Variants in SNTG1 observed in about 807,000 individuals in gnomAD.
SNTG1 encodes gamma-1-syntrophin.
In SNTG1, 39 loss-of-function variants were observed where a neutral mutation model predicts 74.7. That is an observed-to-expected ratio of 0.52 (90% CI 0.40 to 0.68). The LOEUF is 0.68. SNTG1 is among the 30% of genes least tolerant of loss of function. SNTG1 has a pLI of 0.00. For synonymous variants in SNTG1, 254 were observed against 217.1 expected, an observed-to-expected ratio of 1.17 and a Z score of -1.49; for missense variants, 685 against 609.5, an observed-to-expected ratio of 1.12 and a Z score of -1.30.
intron 4 of SNTG1, among the ~76,000 whole-genome samples, chr8:50,412,645 G>T (rs2092964027): frequency 6.6e-6 from 1 of 152,198 alleles, no homozygotes; most frequent in Admixed American, 6.5e-5. Context: ...GTCAGGAACT[G>T]CTTTCCAGAG....
At chr8:50,428,383 T>A (rs896425994) in intron 4 of SNTG1, among the ~76,000 whole-genome samples, 1 of 152,150 alleles carries the variant, frequency 6.6e-6, no homozygotes, top group African/African-American at 2.4e-5. Context: ...AGTTCCTGCA[T>A]TTCAATCCAG....
chr8:50,129,649 G>T (rs950510003), intron 1 of SNTG1, among the ~76,000 whole-genome samples: 6 of 152,010 alleles, frequency 3.9e-5, no homozygotes, highest in African/African-American at 1.4e-4. Context: ...GTGTTATGGA[G>T]AAACCATCCT....
At chr8:50,450,292 T>C (rs1587670497) in intron 6 of SNTG1, among the ~76,000 whole-genome samples, 1 of 152,182 alleles carries the variant, frequency 6.6e-6, no homozygotes, top group African/African-American at 2.4e-5. Flanking sequence ...ATGTGGTCTT[T>C]TACCCTTAGA....
rs947093117 is a variant in SNTG1 at position 50,108,631 on chromosome 8, G to T, written c.-102-63930G>T. On this transcript the variant is annotated intron_variant, in intron 1 of 18. Transcript: ENST00000642720. ...AAACAATAACAACAAAAATGATTTAGTATCTTCTTTCTTTGTGATTTTCTT... is the reference window on the plus strand; with the variant it reads ...AAACAATAACAACAAAAATGATTTATTATCTTCTTTCTTTGTGATTTTCTT... 1.1e-4 allele frequency among the ~76,000 whole-genome samples: 17 copies of T among 152,118 alleles called. 1 individual carries two copies. Among genetic ancestry groups the T allele is most frequent in the Admixed American group, 1.0e-3 (16 of 15,246 alleles).
chr8:50,330,164 C>G (rs28817635), intron 2 of SNTG1, among the ~76,000 whole-genome samples: 35 of 152,270 alleles, frequency 2.3e-4, no homozygotes, highest in African/African-American at 7.7e-4. Flanking sequence ...TACCCTCATG[C>G]TGTTCCTGTG....
At chr8:50,049,396 A>G (rs1256958688) in intron 1 of SNTG1, among the ~76,000 whole-genome samples, 1 of 152,166 alleles carries the variant, frequency 6.6e-6, no homozygotes, top group African/African-American at 2.4e-5. Flanking sequence ...ATTATATATA[A>G]AGGAGGTCAT....
At chr8:49,946,391 C>A (rs1809190673) in intron 1 of SNTG1, among the ~76,000 whole-genome samples, 1 of 152,268 alleles carries the variant, frequency 6.6e-6, no homozygotes, top group East Asian at 1.9e-4. Flanking sequence ...TGAATAAAAT[C>A]TTGAAAACTC....
intron 9 of SNTG1, among the ~76,000 whole-genome samples, chr8:50,528,198 A>G (rs1447329614): frequency 6.6e-6 from 1 of 151,978 alleles, no homozygotes. Flanking sequence ...AAGGGTAGAC[A>G]TCCCTTTCTT....
At chr8:50,099,028 G>A (rs1304486157) in intron 1 of SNTG1, among the ~76,000 whole-genome samples, 1 of 152,032 alleles carries the variant, frequency 6.6e-6, no homozygotes, top group Non-Finnish European at 1.5e-5. Flanking sequence ...TGAAATTTTT[G>A]AGGTTTTATA....
intron 12 of SNTG1, among the ~76,000 whole-genome samples, chr8:50,564,090 C>G (rs1258609431): frequency 6.6e-6 from 1 of 150,552 alleles, no homozygotes; most frequent in Non-Finnish European, 1.5e-5. Flanking sequence ...CTCCAGCATA[C>G]AAATACAAGT....
intron 2 of SNTG1, among the ~76,000 whole-genome samples, chr8:50,190,306 T>C (rs867779662): frequency 1.3e-5 from 2 of 152,174 alleles, no homozygotes; most frequent in African/African-American, 2.4e-5. Context: ...TTATAGTTAT[T>C]ACCTCCCTGG....
At chr8:50,481,287 G>A (rs1042070534) in intron 8 of SNTG1, among the ~76,000 whole-genome samples, 20 of 152,138 alleles carry the variant, frequency 1.3e-4, no homozygotes, top group Non-Finnish European at 2.4e-4. Flanking sequence ...AGGCTGAGGC[G>A]GGAGAATTGC....
At chr8:50,533,099 G>A (rs1364298796) in intron 10 of SNTG1, among the ~76,000 whole-genome samples, 1 of 152,154 alleles carries the variant, frequency 6.6e-6, no homozygotes, top group African/African-American at 2.4e-5. Flanking sequence ...GAAGGTACAT[G>A]AAAGTCACTT....
In SNTG1 at chr8:50,601,077, G is replaced by C. The variant is rs530269043; in HGVS notation, c.849+10160G>C. Among the ~76,000 whole-genome samples, 624 of 130,070 alleles carry C rather than the reference G, an allele frequency of 4.8e-3. 8 individuals are homozygous for C. The highest frequency in any genetic ancestry group is 0.015 in the African/African-American group (563 of 36,856). The allele number at this position is 130,070 out of a possible 152,430, so 85.3% of individuals were successfully genotyped here. A position where few individuals can be genotyped will look rare whatever the true frequency, so the allele number is the denominator to read the frequency against. On this transcript the variant is annotated intron_variant, in intron 13 of 18. Coordinates refer to ENST00000642720, the MANE Select transcript of SNTG1 (RefSeq NM_018967.5). ...TCCCAGCTGCTTGGGAGAATCGCTT[G>C]AACCTGGGAGGTGGAGGTTTCAGTG...
intron 1 of SNTG1, among the ~76,000 whole-genome samples, chr8:50,035,785 A>C (rs1003806357): frequency 6.6e-6 from 1 of 152,186 alleles, no homozygotes; most frequent in Non-Finnish European, 1.5e-5. Flanking sequence ...TGAAGAGAGC[A>C]TCTGGGACTG....
chr8:49,999,864 T>C (rs1054317876), intron 1 of SNTG1, among the ~76,000 whole-genome samples: 4 of 152,202 alleles, frequency 2.6e-5, no homozygotes, highest in Non-Finnish European at 4.4e-5. Context: ...TTTGCCTCTG[T>C]CCACTAGAAT....
At chr8:50,539,664 A>G (rs2094332529) in intron 11 of SNTG1, among the ~76,000 whole-genome samples, 1 of 152,040 alleles carries the variant, frequency 6.6e-6, no homozygotes, top group African/African-American at 2.4e-5. Context: ...CATTTATTCT[A>G]ATTGCTGCAG....
chr8:50,173,104 G>T lies in SNTG1; in HGVS notation c.-28+469G>T, dbSNP rs146927504. On this transcript the variant is annotated intron_variant, in intron 2 of 18. Coordinates refer to ENST00000642720, the MANE Select transcript of SNTG1 (RefSeq NM_018967.5). ...GGAGTGGGTTGCGATGCTTGGCAGG[G>T]TGACTATAAACTGTCACGTTCTCTT... Among the ~76,000 whole-genome samples the T allele has an allele frequency of 6.1e-3, 914 of 150,058 alleles. 5 individuals are homozygous for T. The highest frequency in any genetic ancestry group is 0.021 in the Middle Eastern group (6 of 286).
At chr8:50,341,792 T>C (rs1177093990) in intron 2 of SNTG1, among the ~76,000 whole-genome samples, 1 of 152,000 alleles carries the variant, frequency 6.6e-6, no homozygotes, top group Non-Finnish European at 1.5e-5. Context: ...TTAACTGATA[T>C]TGAGAGTCTT....
Sources: allele counts gnomAD v4.1 joint callset (sites outside exome capture counted in the v4.1 genomes callset), GRCh38; gene constraint gnomAD v4.1.1; transcripts MANE v1.5; gene names NCBI Gene and HGNC (gene_info 2026-07-23, HGNC 2026-07-21).